Variants in OTUD7A observed in about 807,000 individuals in gnomAD.
OTUD7A encodes the protein OTU deubiquitinase 7A.
Under a neutral mutation model 65.7 loss-of-function variants are expected in OTUD7A, and 12 were observed. That is an observed-to-expected ratio of 0.18 (90% confidence interval 0.12 to 0.30). OTUD7A has a LOEUF of 0.30. Ranked by LOEUF, OTUD7A falls within the 10% of genes least tolerant of loss-of-function variation. The pLI is 1.00. For synonymous variants in OTUD7A, 641 were observed against 586.3 expected (o/e 1.09, Z -1.35); for missense variants, 1,148 against 1,304.8 (o/e 0.88, Z 1.85).
intron 1 of OTUD7A, among the ~76,000 whole-genome samples, chr15:31,671,060 T>G (rs565422756): frequency 6.6e-4 from 100 of 152,370 alleles, no homozygotes; most frequent in African/African-American, 2.3e-3. Context: ...CTTCCTTTGC[T>G]GTGCAGAAGC....
chr15:31,730,694 T>C (rs1484270950), intron 1 of OTUD7A, among the ~76,000 whole-genome samples: 2 of 152,206 alleles, frequency 1.3e-5, no homozygotes, highest in East Asian at 1.9e-4. Context: ...CTACTATTTC[T>C]CAACTGTGTG....
chr15:31,831,733 CCAGGATTCTAGCCA>C (rs1896936793), intron 1 of OTUD7A, among the ~76,000 whole-genome samples: 1 of 152,170 alleles, frequency 6.6e-6, no homozygotes, highest in South Asian at 2.1e-4. Context: ...TGGGAAGAGC[CCAGGATTCTAGCCA>C]CAGGAAAGTA....
At chr15:31,835,925 T>C (rs1026072443) in intron 1 of OTUD7A, among the ~76,000 whole-genome samples, 2 of 147,100 alleles carry the variant, frequency 1.4e-5, no homozygotes, top group Non-Finnish European at 1.5e-5. Context: ...ACTTACTAGA[T>C]GAGGATCCCT....
chr15:31,632,773 C>A (rs1327432968), intron 3 of OTUD7A, among the ~76,000 whole-genome samples: 1 of 145,498 alleles, frequency 6.9e-6, no homozygotes, highest in African/African-American at 2.7e-5. Context: ...GGGCTCCACC[C>A]AGTTCGAGCT....
chr15:31,845,087 G>A (rs914824796), intron 1 of OTUD7A, among the ~76,000 whole-genome samples: 55 of 152,198 alleles, frequency 3.6e-4, no homozygotes, highest in Non-Finnish European at 4.1e-4. Flanking sequence ...AGAGAGCCCC[G>A]AAATAGGCTG....
chr15:31,616,254 T>C (rs1194779845), intron 3 of OTUD7A, among the ~76,000 whole-genome samples: 1 of 152,146 alleles, frequency 6.6e-6, no homozygotes, highest in Non-Finnish European at 1.5e-5. Context: ...TAATAAACCG[T>C]CTGCATCTAA....
chr15:31,836,326 G>T (rs1425435991), intron 1 of OTUD7A, among the ~76,000 whole-genome samples: 7 of 152,106 alleles, frequency 4.6e-5, no homozygotes, highest in Non-Finnish European at 1.0e-4. Flanking sequence ...TAAAAAAAGG[G>T]TACTTGTATA....
At chr15:31,552,322 G>A (rs1284484243) in intron 5 of OTUD7A, among the ~76,000 whole-genome samples, 2 of 152,256 alleles carry the variant, frequency 1.3e-5, no homozygotes, top group South Asian at 4.2e-4. Flanking sequence ...ATGCAAATGG[G>A]CTATGACAAT....
intron 1 of OTUD7A, among the ~76,000 whole-genome samples, chr15:31,803,013 G>C (rs754651708): frequency 5.9e-5 from 9 of 152,332 alleles, no homozygotes; most frequent in East Asian, 5.8e-4. Context: ...TTGGCTGAGG[G>C]AGAGAAGGAT....
intron 6 of OTUD7A, among the ~76,000 whole-genome samples, chr15:31,528,314 G>A (rs181878365): frequency 6.6e-6 from 1 of 152,344 alleles, no homozygotes; most frequent in Non-Finnish European, 1.5e-5. Flanking sequence ...TCCCAGCACA[G>A]GGAAAGGCCA....
chr15:31,511,707 C>CACATATATATGTATATCTATATGTAACAT lies in OTUD7A; in HGVS notation c.894-7890_894-7889insATGTTACATATAGATATACATATATATGT, dbSNP rs1566893854. Reference sequence around the variant, plus strand: ...CATATATGTATATCTATATGTAACACACATATATATGTATATCTATATGTA... The same window carrying CACATATATATGTATATCTATATGTAACAT: ...CATATATGTATATCTATATGTAACACACATATATATGTATATCTATATGTAACATACATATATATGTATATCTATATGTA... On this transcript the variant is annotated intron_variant, in intron 8 of 12. Coordinates refer to ENST00000307050, the MANE Select transcript of OTUD7A (RefSeq NM_001382637.1). Among the ~76,000 whole-genome samples, 7 of 6,840 alleles carry CACATATATATGTATATCTATATGTAACAT rather than the reference C, an allele frequency of 1.0e-3. 3 individuals are homozygous for CACATATATATGTATATCTATATGTAACAT. The East Asian group carries it at 0.023, about 23-fold the overall frequency. The allele number at this position is 6,840 out of a possible 152,430, so 4.5% of individuals were successfully genotyped here.
At chr15:31,693,123 T>C (rs1892994899) in intron 1 of OTUD7A, among the ~76,000 whole-genome samples, 2 of 152,198 alleles carry the variant, frequency 1.3e-5, no homozygotes, top group African/African-American at 4.8e-5. Flanking sequence ...GGCCTGCTGG[T>C]AAGTGGTTTT....
chr15:31,513,678 T>C (rs1403353852), intron 8 of OTUD7A, among the ~76,000 whole-genome samples: 1 of 152,216 alleles, frequency 6.6e-6, no homozygotes, highest in Non-Finnish European at 1.5e-5. Context: ...TCTTATCAGG[T>C]TGTGTGAACT....
chr15:31,710,294 A>G (rs1893408712), intron 1 of OTUD7A, among the ~76,000 whole-genome samples: 1 of 149,862 alleles, frequency 6.7e-6, no homozygotes, highest in African/African-American at 2.5e-5. Context: ...TCCATTTGCT[A>G]TTTATCACAG....
chr15:31,488,287 T>G (rs2041268249), intron 10 of OTUD7A, among the ~76,000 whole-genome samples: 1 of 152,106 alleles, frequency 6.6e-6, no homozygotes, highest in Non-Finnish European at 1.5e-5. Context: ...TCAGAGGGAT[T>G]GACTCATCAC....
chr15:31,687,600 G>A (rs769255295), intron 1 of OTUD7A, among the ~76,000 whole-genome samples: 5 of 152,120 alleles, frequency 3.3e-5, no homozygotes, highest in Non-Finnish European at 7.4e-5. Context: ...ATGTTTGCTC[G>A]CAGTCACCTG....
chr15:31,594,701 C>T (rs1889851495), intron 3 of OTUD7A, among the ~76,000 whole-genome samples: 1 of 152,182 alleles, frequency 6.6e-6, no homozygotes, highest in Admixed American at 6.5e-5. Flanking sequence ...AAATAATGAG[C>T]CCCCACTCAT....
intron 1 of OTUD7A, among the ~76,000 whole-genome samples, chr15:31,816,349 T>C (rs1896548428): frequency 6.6e-6 from 1 of 152,114 alleles, no homozygotes; most frequent in Non-Finnish European, 1.5e-5. Context: ...GTCAGTTTCT[T>C]CCCCTTAACA....
At chr15:31,725,674 C>A (rs113674725) in intron 1 of OTUD7A, among the ~76,000 whole-genome samples, 6,322 of 152,302 alleles carry the variant, frequency 0.042, 190 homozygotes, top group Non-Finnish European at 0.057. Flanking sequence ...CTCCCCAAAG[C>A]TACACGTGGC....
Sources: allele counts gnomAD v4.1 joint callset (sites outside exome capture counted in the v4.1 genomes callset), GRCh38; gene constraint gnomAD v4.1.1; transcripts MANE v1.5; gene names NCBI Gene and HGNC (gene_info 2026-07-23, HGNC 2026-07-21).